The following CNTNAP2 variants were observed in gnomAD, a reference collection of about 807,000 sequenced individuals.
CNTNAP2 encodes contactin associated protein 2, also known as contactin-associated protein-like 2.
In CNTNAP2, 98 loss-of-function variants were observed where a neutral mutation model predicts 155.2. The ratio of observed to expected loss-of-function variants is 0.63; its 90% CI spans 0.54 to 0.75. The LOEUF is 0.75. CNTNAP2 is among the 30% of genes least tolerant of loss of function. The pLI is 0.00. For synonymous variants in CNTNAP2, 651 were observed against 631.2 expected (o/e 1.03, Z -0.47); for missense variants, 1,727 against 1,688.1 (o/e 1.02, Z -0.40).
chr7:147,352,813 A>T (rs751717491), intron 9 of CNTNAP2, among the ~76,000 whole-genome samples: 19 of 152,040 alleles, frequency 1.2e-4, no homozygotes, highest in South Asian at 4.1e-4. Flanking sequence ...AGATAAAATT[A>T]TTCTTTGCCA....
intron 14 of CNTNAP2, among the ~76,000 whole-genome samples, chr7:147,973,160 T>TAAAAAAAAAAAA (rs35756000): frequency 0.016 from 1,977 of 120,462 alleles, 47 homozygotes; most frequent in African/African-American, 0.027. Context: ...TCTCTAAAAT[T>TAAAAAAAAAAAA]AAAAAAAAAA....
chr7:147,925,195 GA>G (rs1437186875), intron 14 of CNTNAP2, among the ~76,000 whole-genome samples: 28 of 149,916 alleles, frequency 1.9e-4, no homozygotes, highest in African/African-American at 5.2e-4. Context: ...AGGAAGGAAG[GA>G]AGGAAGGAAG....
At chr7:148,403,410 TG>T in intron 22 of CNTNAP2, among the ~76,000 whole-genome samples, 1 of 152,294 alleles carries the variant, frequency 6.6e-6, no homozygotes, top group African/African-American at 2.4e-5. Context: ...GAGTGTCATT[TG>T]GGGATCCGCA....
At chr7:146,871,535 A>G (rs73170377) in intron 3 of CNTNAP2, among the ~76,000 whole-genome samples, 12,152 of 151,916 alleles carry the variant, frequency 0.08, 672 homozygotes, top group Non-Finnish European at 0.11. Flanking sequence ...GTCTAAAAAA[A>G]AATAAATAAA....
intron 1 of CNTNAP2, among the ~76,000 whole-genome samples, chr7:146,484,439 T>C (rs1402162782): frequency 1.3e-5 from 2 of 152,206 alleles, no homozygotes; most frequent in Non-Finnish European, 2.9e-5. Flanking sequence ...AGGATCTACC[T>C]CCTTTAGGTG....
chr7:146,512,134 T>C (rs1797476133), intron 1 of CNTNAP2, among the ~76,000 whole-genome samples: 1 of 152,022 alleles, frequency 6.6e-6, no homozygotes, highest in African/African-American at 2.4e-5. Flanking sequence ...AAAGCTGTAA[T>C]GTCTCCTTTT....
At chr7:146,801,165 A>G (rs1802870287) in intron 2 of CNTNAP2, among the ~76,000 whole-genome samples, 1 of 152,156 alleles carries the variant, frequency 6.6e-6, no homozygotes, top group Admixed American at 6.5e-5. Flanking sequence ...ACATCACATG[A>G]TGACAGAAGG....
chr7:147,025,145 G>C (rs1166166169), intron 3 of CNTNAP2, among the ~76,000 whole-genome samples: 2 of 149,112 alleles, frequency 1.3e-5, no homozygotes, highest in African/African-American at 5.0e-5. Context: ...AATTAGCCGG[G>C]TGTGGTGGCA....
At chr7:146,203,078 T>C (rs1798891748) in intron 1 of CNTNAP2, among the ~76,000 whole-genome samples, 1 of 152,232 alleles carries the variant, frequency 6.6e-6, no homozygotes, top group African/African-American at 2.4e-5. Context: ...TCTATGCTCT[T>C]ACATCACAAC....
intron 14 of CNTNAP2, among the ~76,000 whole-genome samples, chr7:147,920,736 A>G (rs1800260364): frequency 6.6e-6 from 1 of 151,728 alleles, no homozygotes; most frequent in African/African-American, 2.4e-5. Flanking sequence ...CTGCTGAAAG[A>G]CAGATTTAAG....
intron 21 of CNTNAP2, among the ~76,000 whole-genome samples, chr7:148,362,198 T>TA (rs759733791): frequency 0.014 from 781 of 56,674 alleles, 6 homozygotes; most frequent in Non-Finnish European, 0.027. Context: ...AGACTCCATC[T>TA]AAAAAAAAAA....
intron 20 of CNTNAP2, among the ~76,000 whole-genome samples, chr7:148,239,688 C>T (rs538522346): frequency 1.3e-5 from 2 of 152,260 alleles, no homozygotes; most frequent in Admixed American, 1.3e-4. Flanking sequence ...AAAGAGGAAA[C>T]AAGATGCCCA....
At chr7:146,522,569 A>G (rs963750270) in intron 1 of CNTNAP2, among the ~76,000 whole-genome samples, 3 of 151,972 alleles carry the variant, frequency 2.0e-5, no homozygotes, top group Non-Finnish European at 4.4e-5. Context: ...GAAAAAATAT[A>G]TATAGAAATA....
intron 10 of CNTNAP2, among the ~76,000 whole-genome samples, chr7:147,478,169 G>GGC (rs1563220208): frequency 1.5e-4 from 22 of 147,762 alleles, no homozygotes; most frequent in East Asian, 6.0e-4. Context: ...TTTGGGTGGT[G>GGC]GGGGAGGGAG....
intron 1 of CNTNAP2, among the ~76,000 whole-genome samples, chr7:146,304,258 A>G (rs1800667230): frequency 6.6e-6 from 1 of 152,022 alleles, no homozygotes; most frequent in South Asian, 2.1e-4. Flanking sequence ...TGGAGCACTT[A>G]GGCAATTTAC....
intron 13 of CNTNAP2, among the ~76,000 whole-genome samples, chr7:147,849,597 C>T (rs1042235666): frequency 6.6e-6 from 1 of 152,184 alleles, no homozygotes; most frequent in Non-Finnish European, 1.5e-5. Flanking sequence ...CCACAGGACA[C>T]CCATTTGTAC....
chr7:146,697,049 T>C (rs1417114440), intron 1 of CNTNAP2, among the ~76,000 whole-genome samples: 2 of 152,250 alleles, frequency 1.3e-5, no homozygotes, highest in East Asian at 3.9e-4. Flanking sequence ...TATGTCTTAT[T>C]TGGTGTGTGT....
At chr7:147,453,649 C>A (rs1259615578) in intron 10 of CNTNAP2, among the ~76,000 whole-genome samples, 1 of 152,040 alleles carries the variant, frequency 6.6e-6, no homozygotes, top group Non-Finnish European at 1.5e-5. Flanking sequence ...TGTAAGTGAG[C>A]CTGAAAATAA....
chr7:147,038,626 C>A (rs922018504), intron 3 of CNTNAP2, among the ~76,000 whole-genome samples: 2 of 152,152 alleles, frequency 1.3e-5, no homozygotes, highest in African/African-American at 2.4e-5. Flanking sequence ...TTTCACTCAG[C>A]GTGCATTGGA....
Sources: allele counts gnomAD v4.1 joint callset (sites outside exome capture counted in the v4.1 genomes callset), GRCh38; gene constraint gnomAD v4.1.1; transcripts MANE v1.5; gene names NCBI Gene and HGNC (gene_info 2026-07-23, HGNC 2026-07-21).